Variants in TRIM2 observed in about 807,000 individuals in gnomAD.
TRIM2 encodes tripartite motif-containing protein 2.
A neutral mutation model predicts 75.2 loss-of-function variants in TRIM2; 20 were observed. The observed-to-expected ratio is 0.27, with a 90% confidence interval of 0.19 to 0.39. The LOEUF (loss-of-function observed/expected upper bound fraction) is 0.39. TRIM2 is among the 10% of genes least tolerant of loss of function. The probability of loss-of-function intolerance (pLI) is 1.00; values close to 1 mark genes in which losing one functional copy is unlikely to be tolerated. For synonymous variants in TRIM2, 373 were observed against 388.3 expected, an observed-to-expected ratio of 0.96 and a Z score of 0.46; for missense variants, 660 against 990.8, an observed-to-expected ratio of 0.67 and a Z score of 4.48.
intron 1 of TRIM2, among the ~76,000 whole-genome samples, chr4:153,221,976 A>AAGG (rs1579727943): frequency 1.6e-4 from 8 of 49,108 alleles, no homozygotes; most frequent in East Asian, 1.1e-3. Context: ...GGAAGGGAGG[A>AAGG]AGGAAGGAAG....
At chr4:153,264,911 T>A (rs562450158) in intron 1 of TRIM2, among the ~76,000 whole-genome samples, 7 of 152,328 alleles carry the variant, frequency 4.6e-5, no homozygotes, top group African/African-American at 7.2e-5. Flanking sequence ...TTGTGACAGA[T>A]CTGTGATACT....
At chr4:153,195,798 T>C (rs557376414) in intron 1 of TRIM2, among the ~76,000 whole-genome samples, 4 of 152,312 alleles carry the variant, frequency 2.6e-5, no homozygotes, top group Non-Finnish European at 5.9e-5. Context: ...TAGCTGAACA[T>C]GTTCATTAAC....
chr4:153,303,595 A>C (rs1355058146), intron 6 of TRIM2, among the ~76,000 whole-genome samples: 1 of 152,198 alleles, frequency 6.6e-6, no homozygotes, highest in African/African-American at 2.4e-5. Flanking sequence ...GAAGCCTGCC[A>C]CATGTAATCC....
chr4:153,259,304 C>T (rs564162774), intron 1 of TRIM2, among the ~76,000 whole-genome samples: 4 of 152,088 alleles, frequency 2.6e-5, no homozygotes, highest in Non-Finnish European at 4.4e-5. Flanking sequence ...TTAAAACATT[C>T]ATTCTTTGTC....
intron 1 of TRIM2, among the ~76,000 whole-genome samples, chr4:153,237,944 TGTGGGA>T (rs1745470995): frequency 6.6e-6 from 1 of 152,166 alleles, no homozygotes; most frequent in South Asian, 2.1e-4. Context: ...TGAAAGCTTC[TGTGGGA>T]GTGTGTGGTA....
In TRIM2 at chr4:153,244,122, T is replaced by C. The variant is rs146939710; in HGVS notation, c.31-26213T>C. ...CACATGAGCTACTGTGCCACTGCCA[T>C]CTTCTTCTTCTTCTTCTTCTTGTTC... On this transcript the variant is annotated intron_variant, in intron 1 of 11. Coordinates refer to ENST00000338700, the MANE Select transcript of TRIM2 (RefSeq NM_015271.5). 5.4e-3 allele frequency among the ~76,000 whole-genome samples: 766 copies of C among 142,200 alleles called. 4 individuals are homozygous for C. Among genetic ancestry groups the C allele is most frequent in the African/African-American group, 0.019 (697 of 37,064 alleles). The allele number at this position is 142,200 out of a possible 152,430, so 93.3% of individuals were successfully genotyped here. A position where few individuals can be genotyped will look rare whatever the true frequency, so the allele number is the denominator to read the frequency against.
At chr4:153,312,189 T>A (rs1230953627) in intron 6 of TRIM2, among the ~76,000 whole-genome samples, 1 of 151,590 alleles carries the variant, frequency 6.6e-6, no homozygotes, top group East Asian at 1.9e-4. Flanking sequence ...CTTGCGATAG[T>A]TTACTGAGAA....
chr4:153,333,119 T>C (rs1036130631), intron 11 of TRIM2, among the ~76,000 whole-genome samples: 1 of 152,204 alleles, frequency 6.6e-6, no homozygotes, highest in African/African-American at 2.4e-5. Context: ...GTCTATACTA[T>C]GGAATATGAC....
chr4:153,203,103 CAAAAAAAAA>C (rs200371158), upstream of TRIM2, among the ~76,000 whole-genome samples: 43,368 of 88,004 alleles, frequency 0.49, 8,005 homozygotes, highest in African/African-American at 0.63. Context: ...GACTCCATCT[CAAAAAAAAA>C]AAAAAAAAAA....
chr4:153,336,731 G>A lies in TRIM2; in HGVS notation c.*1765G>A, dbSNP rs1772496325. On this transcript the variant is annotated 3_prime_UTR_variant, in exon 12 of 12. Coordinates refer to ENST00000338700, the MANE Select transcript of TRIM2 (RefSeq NM_015271.5). ...TCTATATAGGACTTCTTAAAATTTA[G>A]AAGGGAAATCTAGCTACTTCAAATT... 1 of 985,308 alleles carries A rather than the reference G, an allele frequency of 1.0e-6. No homozygotes were observed. The highest frequency in any genetic ancestry group is 1.7e-5 in the African/African-American group (1 of 57,196). The allele number at this position is 985,308 out of a possible 1,614,324, so 61.0% of individuals were successfully genotyped here.
At position 153,335,391 on chromosome 4, in the gene TRIM2, T is replaced by C. The variant is rs1772337224; in HGVS notation, c.*425T>C. 3 of 985,916 alleles carry C rather than the reference T, an allele frequency of 3.0e-6. No homozygotes were observed. The highest frequency in any genetic ancestry group is 3.6e-6 in the Non-Finnish European group (3 of 830,360). 61.1% of individuals were successfully genotyped at this position (985,916 alleles called of 1,614,324 possible). ...AGTTATATACTTCATTTAACCTAGGTCACAAGACCCAGGGAATCTTCTAAC... is the reference window on the plus strand; with the variant it reads ...AGTTATATACTTCATTTAACCTAGGCCACAAGACCCAGGGAATCTTCTAAC... On this transcript the variant is annotated 3_prime_UTR_variant, in exon 12 of 12. Transcript: ENST00000338700.
chr4:153,203,749 A>G (rs1734717580), upstream of TRIM2, among the ~76,000 whole-genome samples: 1 of 152,076 alleles, frequency 6.6e-6, no homozygotes, highest in African/African-American at 2.4e-5. Context: ...AAAATTCACC[A>G]GGTGTGGTGG....
chr4:153,265,773 T>TACACAC (rs10644610), intron 1 of TRIM2: 1 of 151,730 alleles, frequency 6.6e-6, no homozygotes, highest in Non-Finnish European at 1.5e-5. Flanking sequence ...TTTTACAAGT[T>TACACAC]ACACACACAC....
At chr4:153,271,407 T>TA (rs1443561884) in intron 2 of TRIM2, among the ~76,000 whole-genome samples, 13 of 152,228 alleles carry the variant, frequency 8.5e-5, no homozygotes, top group African/African-American at 3.1e-4. Context: ...ATATCTGATT[T>TA]AACATGTCTT....
upstream of TRIM2, among the ~76,000 whole-genome samples, chr4:153,199,981 G>A (rs138453918): frequency 5.9e-3 from 804 of 135,842 alleles, 7 homozygotes; most frequent in Non-Finnish European, 8.5e-3. Context: ...TCACTCTGTC[G>A]CCCAGGCTGG....
chr4:153,187,325 G>C (rs989934258), intron 1 of TRIM2, among the ~76,000 whole-genome samples: 2 of 152,154 alleles, frequency 1.3e-5, no homozygotes, highest in South Asian at 4.2e-4. Context: ...GGGGCCAGCC[G>C]GTAGCTGTTT....
At position 153,322,664 on chromosome 4, in the gene TRIM2, G is replaced by A; in HGVS notation, c.1799G>A (p.Gly600Glu). 1.2e-6 allele frequency: 2 copies of A among 1,613,698 alleles called. No individual in the cohort carries two copies. The highest frequency in any genetic ancestry group is 1.7e-6 in the Non-Finnish European group (2 of 1,179,708). The change falls in exon 9 of 12, where the codon GGA (glycine) becomes GAA (glutamate). Residue 600 changes from glycine (G) to glutamate (E), a missense_variant. Physicochemically the swap from Gly to Glu is moderately conservative, Grantham distance 98. Around this residue, in one of 2 missense-constraint regions of TRIM2, gnomAD observed 620 missense variants for 891.0 expected, o/e 0.70. Transcript: ENST00000338700. Reference sequence around the variant, plus strand: ...TTCAAACAGACAAAAATTGGATCAGGAAAGCTGATGGGACCCAAAGGAGTT... The same window carrying A: ...TTCAAACAGACAAAAATTGGATCAGAAAAGCTGATGGGACCCAAAGGAGTT... Reference protein sequence around the residue: ...DGKFKTKIGSGKLMGPKGVSV... With the variant: ...DGKFKTKIGSEKLMGPKGVSV...
chr4:153,198,299 A>G (rs928835069), intron 1 of TRIM2, among the ~76,000 whole-genome samples: 1 of 152,000 alleles, frequency 6.6e-6, no homozygotes, highest in African/African-American at 2.4e-5. Context: ...TGTGGGAGGG[A>G]CCCACAGGGA....
rs1394264807 is a variant in TRIM2, at chr4:153,338,331, G to C, written c.*3365G>C. The C allele has an allele frequency of 6.1e-6, 6 of 985,626 alleles. No homozygotes were observed. Among genetic ancestry groups the C allele is most frequent in the Middle Eastern group, 5.2e-4 (1 of 1,936 alleles). 61.1% of individuals were successfully genotyped at this position (985,626 alleles called of 1,614,324 possible). On this transcript the variant is annotated 3_prime_UTR_variant, in exon 12 of 12. Coordinates refer to ENST00000338700, the MANE Select transcript of TRIM2 (RefSeq NM_015271.5). ...TTCAAATGGGAAAAATCTTTTTGTA[G>C]ACTCTATAGTACCCTCTCTATTCAC...
Sources: allele counts gnomAD v4.1 joint callset (sites outside exome capture counted in the v4.1 genomes callset), GRCh38; gene constraint gnomAD v4.1.1; regional missense constraint gnomAD v4.1.1; transcripts MANE v1.5; gene names NCBI Gene and HGNC (gene_info 2026-07-23, HGNC 2026-07-21).